The following TAOK3 variants were observed in gnomAD, a reference collection of about 807,000 sequenced individuals.
The protein encoded by TAOK3 is serine/threonine-protein kinase TAO3.
In TAOK3, 40 loss-of-function variants were observed where a neutral mutation model predicts 120.4. The ratio of observed to expected loss-of-function variants is 0.33; its 90% confidence interval spans 0.26 to 0.43. The LOEUF is 0.43. TAOK3 is among the 20% of genes least tolerant of loss of function. The probability of loss-of-function intolerance (pLI) is 1.00; values close to 1 mark genes in which losing one functional copy is unlikely to be tolerated. For missense variants in TAOK3, 821 were observed against 1,112.1 expected (o/e 0.74, Z 3.72); for synonymous variants, 355 against 387.5 (o/e 0.92, Z 0.99).
At chr12:118,219,711 C>T (rs867895341) in intron 9 of TAOK3, among the ~76,000 whole-genome samples, 2 of 145,252 alleles carry the variant, frequency 1.4e-5, no homozygotes, top group Non-Finnish European at 3.0e-5. Context: ...GTTCCCATTT[C>T]TGTCTCCTGA....
At chr12:118,327,554 C>T (rs1051759416) in intron 1 of TAOK3, among the ~76,000 whole-genome samples, 3 of 152,122 alleles carry the variant, frequency 2.0e-5, no homozygotes, top group Non-Finnish European at 2.9e-5. Context: ...GCCAGAAATA[C>T]TAAAATCAAT....
At chr12:118,170,943 G>A (rs145127349) in intron 17 of TAOK3, among the ~76,000 whole-genome samples, 99 of 152,264 alleles carry the variant, frequency 6.5e-4, no homozygotes, top group African/African-American at 2.3e-3. Flanking sequence ...TAACTGTGCT[G>A]GAAGTGCTTG....
chr12:118,324,653 T>C (rs2043855183), intron 1 of TAOK3, among the ~76,000 whole-genome samples: 1 of 152,048 alleles, frequency 6.6e-6, no homozygotes. Context: ...GCAAAATTTG[T>C]CTTTCTGTGC....
At chr12:118,226,627 T>C (rs2039521674) in intron 9 of TAOK3, among the ~76,000 whole-genome samples, 1 of 152,172 alleles carries the variant, frequency 6.6e-6, no homozygotes, top group Non-Finnish European at 1.5e-5. Flanking sequence ...TTTATCTGAC[T>C]GCAGAGTCTA....
chr12:118,334,298 A>G (rs1360358514), intron 1 of TAOK3, among the ~76,000 whole-genome samples: 1 of 152,194 alleles, frequency 6.6e-6, no homozygotes, highest in Non-Finnish European at 1.5e-5. Context: ...ATCCAACTTT[A>G]AAAAAGGAAA....
At chr12:118,171,314 A>G (rs1244657340) in intron 17 of TAOK3, among the ~76,000 whole-genome samples, 1 of 152,170 alleles carries the variant, frequency 6.6e-6, no homozygotes, top group Non-Finnish European at 1.5e-5. Context: ...TTTGCTTTTC[A>G]TGACTTCTAT....
intron 14 of TAOK3, among the ~76,000 whole-genome samples, chr12:118,184,782 C>T (rs2036972540): frequency 6.6e-6 from 1 of 152,184 alleles, no homozygotes; most frequent in Non-Finnish European, 1.5e-5. Context: ...CCTTGCTCTA[C>T]CCAGTGGATT....
intron 1 of TAOK3, among the ~76,000 whole-genome samples, chr12:118,272,376 C>A (rs2041743686): frequency 6.6e-6 from 1 of 151,460 alleles, no homozygotes; most frequent in South Asian, 2.1e-4. Flanking sequence ...ATAATTTTCC[C>A]TTTCCCAGAA....
intron 14 of TAOK3, 116 bp downstream of exon 14, chr12:118,189,691 A>G: frequency 7.8e-7 from 1 of 1,277,268 alleles, no homozygotes; most frequent in Non-Finnish European, 1.1e-6. Flanking sequence ...GAGAGAAAAC[A>G]TTCTTGACTC....
rs567360345 is a variant in TAOK3, at chr12:118,317,538, C to A, written c.-193-50779G>T. The stretch of plus-strand genomic sequence containing the variant: ...GGTCTCGATCTCCTGACCTCGTGAT[C>A]CACCTGCCTCGGCCTCCCAAAGTGC... On this transcript the variant is annotated intron_variant, in intron 1 of 20. Coordinates refer to ENST00000392533, the MANE Select transcript of TAOK3 (RefSeq NM_016281.4). Among the ~76,000 whole-genome samples, 15 of 152,014 alleles carry A rather than the reference C, an allele frequency of 9.9e-5. No homozygotes were observed. The South Asian group carries it at 1.9e-3, about 19-fold the overall frequency.
chr12:118,164,446 T>C (rs2035447297), intron 17 of TAOK3, among the ~76,000 whole-genome samples: 1 of 152,070 alleles, frequency 6.6e-6, no homozygotes, highest in African/African-American at 2.4e-5. Flanking sequence ...AGACGGAGTT[T>C]CTACTTTGTT....
intron 9 of TAOK3, among the ~76,000 whole-genome samples, chr12:118,230,419 C>G (rs1196225356): frequency 7.4e-6 from 1 of 135,444 alleles, no homozygotes; most frequent in Admixed American, 7.5e-5. Context: ...GTTGTTTTAG[C>G]TAATTTTGGT....
intron 1 of TAOK3, among the ~76,000 whole-genome samples, chr12:118,305,118 T>C (rs960671910): frequency 2.0e-5 from 3 of 152,186 alleles, no homozygotes; most frequent in Non-Finnish European, 2.9e-5. Context: ...GGATTGTTTA[T>C]TGTCAGGATT....
intron 3 of TAOK3, among the ~76,000 whole-genome samples, chr12:118,251,929 C>T (rs1031354449): frequency 3.3e-5 from 5 of 151,918 alleles, no homozygotes; most frequent in Non-Finnish European, 7.4e-5. Flanking sequence ...TCATGCCATT[C>T]TCCTGCCTCA....
intron 1 of TAOK3, among the ~76,000 whole-genome samples, chr12:118,357,596 G>A (rs2045450044): frequency 1.3e-5 from 2 of 152,240 alleles, no homozygotes; most frequent in African/African-American, 4.8e-5. Flanking sequence ...ATAGGATGGA[G>A]TTTGTAACTT....
At chr12:118,318,909 C>T (rs648113) in intron 1 of TAOK3, among the ~76,000 whole-genome samples, 29,326 of 152,092 alleles carry the variant, frequency 0.19, 3,198 homozygotes, top group Non-Finnish European at 0.25. Context: ...GAAGGAAATC[C>T]TGTCATTTGC....
intron 14 of TAOK3, among the ~76,000 whole-genome samples, chr12:118,188,953 C>T (rs879685003): frequency 4.6e-5 from 7 of 150,690 alleles, no homozygotes; most frequent in Admixed American, 2.0e-4. Context: ...TGAGTGTGAG[C>T]GCGCACGCGC....
At position 118,251,967 on chromosome 12, in the gene TAOK3, G is replaced by A. The variant is rs554976073; in HGVS notation, c.120+3481C>T. ...CTCCCCAGTAGCTGGGACTACAGGC[G>A]CCCGCCACCATGCCTGGCTAATTTT... On this transcript the variant is annotated intron_variant, in intron 3 of 20. Transcript: ENST00000392533. Among the ~76,000 whole-genome samples the A allele has an allele frequency of 4.9e-3, 739 of 151,934 alleles. 31 individuals are homozygous for A. The highest frequency in any genetic ancestry group is 0.045 in the Admixed American group (688 of 15,238).
chr12:118,239,946 C>G (rs2040174639), intron 5 of TAOK3, among the ~76,000 whole-genome samples: 1 of 152,046 alleles, frequency 6.6e-6, no homozygotes, highest in South Asian at 2.1e-4. Flanking sequence ...GCAGGTGGAT[C>G]ACCTGAGGCC....
Sources: gnomAD v4.1 joint callset for allele counts (sites outside exome capture counted in the v4.1 genomes callset) on GRCh38, gnomAD v4.1.1 for gene constraint, MANE v1.5 for transcripts, NCBI Gene and HGNC (gene_info 2026-07-23, HGNC 2026-07-21) for gene names.